Variants in OPN3 observed in about 807,000 individuals in gnomAD.
OPN3 encodes the protein opsin 3.
Under a neutral mutation model 33.8 loss-of-function variants are expected in OPN3, and 29 were observed. The ratio of observed to expected loss-of-function variants is 0.86; its 90% CI spans 0.64 to 1.17. The LOEUF is 1.17. OPN3 is among the 50% of genes most tolerant of loss of function. OPN3 has a pLI of 0.00. For synonymous variants in OPN3, 216 were observed against 216.1 expected, an observed-to-expected ratio of 1.00 and a Z score of 0.00; for missense variants, 437 against 514.1, an observed-to-expected ratio of 0.85 and a Z score of 1.45.
At position 241,606,583 on chromosome 1, in the gene OPN3, AAATAAAAT is replaced by A. The variant is rs1404906359; in HGVS notation, c.374-2012_374-2005del. On this transcript the variant is annotated intron_variant, in intron 1 of 3. Coordinates refer to ENST00000366554, the MANE Select transcript of OPN3 (RefSeq NM_014322.3). ...TAAATAAATAAATAAATAAATAAAT[AAATAAAAT>A]AAATAAAATAACTTGGAGGTTTCTA... Among the ~76,000 whole-genome samples the A allele has an allele frequency of 2.0e-4, 30 of 148,216 alleles. No individual in the cohort carries two copies. The South Asian group carries it at 4.5e-3, about 22-fold the overall frequency.
Position 241,594,107 on chromosome 1 carries a change from T to A in OPN3, c.*321A>T, listed in dbSNP as rs987207965. 4.7e-5 allele frequency: 13 copies of A among 277,222 alleles called. No homozygotes were observed. Among genetic ancestry groups the A allele is most frequent in the African/African-American group, 2.9e-4 (13 of 45,034 alleles). 17.2% of individuals were successfully genotyped at this position (277,222 alleles called of 1,614,324 possible). A position where few individuals can be genotyped will look rare whatever the true frequency, so the allele number is the denominator to read the frequency against. The stretch of plus-strand genomic sequence containing the variant: ...TAAGGTATTTTCGAGAAAAATGCAT[T>A]ACGTGTTTTGGAAAATAGAGTAATT... On this transcript the variant is annotated 3_prime_UTR_variant, in exon 4 of 4. Coordinates refer to ENST00000366554, the MANE Select transcript of OPN3 (RefSeq NM_014322.3).
At position 241,639,948 on chromosome 1, in the gene OPN3, G is replaced by A; in HGVS notation, c.307C>T (p.Leu103=). The A allele has an allele frequency of 6.2e-7, 1 of 1,609,232 alleles. No homozygotes were observed. Among genetic ancestry groups the A allele is most frequent in the Non-Finnish European group, 8.5e-7 (1 of 1,178,164 alleles). The change falls in exon 1 of 4, where the codon CTG becomes TTG. Residue 103 remains leucine, a synonymous_variant. Transcript: ENST00000366554. Reference sequence around the variant, plus strand: ...GTGTCCCACACCCAGCCGTTCCTCAGGCAGGACACGAAGGTAAAGGTGACC... The same window carrying A: ...GTGTCCCACACCCAGCCGTTCCTCAAGCAGGACACGAAGGTAAAGGTGACC... ...FGVTFTFVSC[L]RNGWVWDTVG... is the part of the protein sequence containing the mutation.
At position 241,594,405 on chromosome 1, in the gene OPN3, T is replaced by A. The variant is rs200358884; in HGVS notation, c.*23A>T. 141 of 1,603,598 alleles carry A rather than the reference T, an allele frequency of 8.8e-5. No individual in the cohort carries two copies. The highest frequency in any genetic ancestry group is 6.1e-4 in the Admixed American group (36 of 59,458). The stretch of plus-strand genomic sequence containing the variant: ...AAGTGGCATCCAATTTAAGGCCCCA[T>A]CTTTCGTTGCCATTCTTCATTCCTA... On this transcript the variant is annotated 3_prime_UTR_variant, in exon 4 of 4. Coordinates refer to ENST00000366554, the MANE Select transcript of OPN3 (RefSeq NM_014322.3).
At chr1:241,604,639 A>G in intron 1 of OPN3, 60 bp from the exon 2 acceptor site, 2 of 1,429,232 alleles carry the variant, frequency 1.4e-6, no homozygotes, top group Non-Finnish European at 1.9e-6. Context: ...GGCATAAGAG[A>G]CGTGATACAT....
At chr1:241,610,691 A>C (rs1399864962) in intron 1 of OPN3, among the ~76,000 whole-genome samples, 1 of 152,258 alleles carries the variant, frequency 6.6e-6, no homozygotes, top group Non-Finnish European at 1.5e-5. Context: ...ACAGAGAAGT[A>C]AACTACTATA....
rs1184041710 is a variant in OPN3 at position 241,594,541 on chromosome 1, A to G, written c.1096T>C (p.Phe366Leu). 5 of 1,614,122 alleles carry G rather than the reference A, an allele frequency of 3.1e-6. No homozygotes were observed. In the South Asian group the frequency reaches 5.5e-5, roughly 18 times the overall value. The change falls in exon 4 of 4, where the codon TTC becomes CTC. Residue 366 changes from phenylalanine (F) to leucine (L), a missense_variant. Phe to Leu is a conservative substitution (Grantham distance 22). Transcript: ENST00000366554. ...DGDRPKKKVT[F>L]NSSSIIFIIT... ...ATAAAAATGATGGAAGAAGAGTTGA[A>G]AGTCACTTTTTTCTTTGGCCTGTCC...
intron 1 of OPN3, 118 bp downstream of exon 1, chr1:241,639,764 C>T: frequency 2.1e-6 from 2 of 970,632 alleles, no homozygotes; most frequent in Non-Finnish European, 2.7e-6. Flanking sequence ...GGGCGGGGGG[C>T]GCGGGGCCGA....
rs940893554 is a variant in OPN3, at chr1:241,639,940, G to C, written c.315C>G (p.Asn105Lys). ...VTFTFVSCLR[N>K]GWVWDTVGCV... ...AGCCCACGGTGTCCCACACCCAGCC[G>C]TTCCTCAGGCAGGACACGAAGGTAA... is the stretch of plus-strand genomic sequence containing the variant. Residue 105 changes from asparagine to lysine, a missense_variant, in exon 1 of 4, where the codon AAC (asparagine) becomes AAG (lysine). Physicochemically the swap from Asn to Lys is moderately conservative, Grantham distance 94. Coordinates refer to ENST00000366554, the MANE Select transcript of OPN3 (RefSeq NM_014322.3). The C allele has an allele frequency of 2.5e-6, 4 of 1,607,872 alleles. No individual in the cohort carries two copies. Among genetic ancestry groups the C allele is most frequent in the African/African-American group, 2.7e-5 (2 of 74,292 alleles).
intron 1 of OPN3, among the ~76,000 whole-genome samples, chr1:241,618,571 A>G (rs73139010): frequency 0.087 from 13,239 of 152,168 alleles, 712 homozygotes; most frequent in African/African-American, 0.15. Flanking sequence ...TTCAGTCTCA[A>G]TCCCACACCA....
intron 1 of OPN3, chr1:241,631,486 A>C (rs1211616632): frequency 6.6e-6 from 1 of 152,068 alleles, no homozygotes; most frequent in Non-Finnish European, 1.5e-5. Context: ...TTTAGGATAA[A>C]GTTTAAATAT....
intron 1 of OPN3, among the ~76,000 whole-genome samples, chr1:241,627,593 A>C (rs574204177): frequency 6.6e-6 from 1 of 152,224 alleles, no homozygotes; most frequent in African/African-American, 2.4e-5. Context: ...CTGTTGTCAT[A>C]TATTTTTGTT....
chr1:241,605,890 G>A (rs1362481903), intron 1 of OPN3, among the ~76,000 whole-genome samples: 1 of 152,220 alleles, frequency 6.6e-6, no homozygotes, highest in Non-Finnish European at 1.5e-5. Context: ...GCTAACGTTT[G>A]TGTTATTTTA....
At chr1:241,601,663 G>A (rs1480736702) in intron 2 of OPN3, among the ~76,000 whole-genome samples, 1 of 152,132 alleles carries the variant, frequency 6.6e-6, no homozygotes, top group Non-Finnish European at 1.5e-5. Flanking sequence ...CCGAGATTCT[G>A]CCATTGCACT....
chr1:241,594,745 G>A, intron 3 of OPN3, 54 bp from the exon 4 acceptor site: 1 of 1,570,226 alleles, frequency 6.4e-7, no homozygotes, highest in East Asian at 2.2e-5. Context: ...GCACTAATCT[G>A]GATTAACATT....
At chr1:241,634,307 C>G in intron 1 of OPN3, 1 of 1,613,984 alleles carries the variant, frequency 6.2e-7, no homozygotes, top group Non-Finnish European at 8.5e-7. Flanking sequence ...CCGTACAGCA[C>G]AAGCTCCTGG....
chr1:241,628,683 A>C (rs1289026150), intron 1 of OPN3, among the ~76,000 whole-genome samples: 3 of 152,206 alleles, frequency 2.0e-5, no homozygotes, highest in Admixed American at 2.0e-4. Context: ...AGAAAAAATA[A>C]ATTATGAAGT....
chr1:241,610,936 G>A (rs1663973552), intron 1 of OPN3, among the ~76,000 whole-genome samples: 1 of 148,414 alleles, frequency 6.7e-6, no homozygotes, highest in Non-Finnish European at 1.5e-5. Context: ...TCGTGTGGGT[G>A]TGTGGCTGTA....
intron 1 of OPN3, among the ~76,000 whole-genome samples, chr1:241,621,014 G>T (rs1664259043): frequency 6.6e-6 from 1 of 152,140 alleles, no homozygotes; most frequent in African/African-American, 2.4e-5. Context: ...AAGGATGGAA[G>T]CACTGCTTGG....
intron 2 of OPN3, among the ~76,000 whole-genome samples, chr1:241,601,331 G>T (rs1157483956): frequency 6.6e-6 from 1 of 151,000 alleles, no homozygotes; most frequent in Non-Finnish European, 1.5e-5. Context: ...ATAGAGGAAA[G>T]CAAAAATTTT....
Sources: allele counts gnomAD v4.1 joint callset (sites outside exome capture counted in the v4.1 genomes callset), GRCh38; gene constraint gnomAD v4.1.1; transcripts MANE v1.5; gene names NCBI Gene and HGNC (gene_info 2026-07-23, HGNC 2026-07-21).